The following DENND1A variants were observed in gnomAD, a reference collection of about 807,000 sequenced individuals.
DENND1A encodes the protein DENN domain-containing protein 1A.
In DENND1A, 51 loss-of-function variants were observed where a neutral mutation model predicts 113.7. The observed-to-expected ratio is 0.45, with a 90% confidence interval of 0.36 to 0.57. DENND1A has a LOEUF of 0.57. DENND1A is among the 20% of genes least tolerant of loss of function. The probability of loss-of-function intolerance (pLI) is 0.00; values close to 1 mark genes in which losing one functional copy is unlikely to be tolerated. For synonymous variants in DENND1A, 565 were observed against 570.8 expected, an observed-to-expected ratio of 0.99 and a Z score of 0.14; for missense variants, 1,258 against 1,395.9, an observed-to-expected ratio of 0.90 and a Z score of 1.57.
intron 13 of DENND1A, among the ~76,000 whole-genome samples, chr9:123,519,014 A>T (rs531752408): frequency 6.6e-6 from 1 of 152,100 alleles, no homozygotes; most frequent in Non-Finnish European, 1.5e-5. Context: ...CTTGCTTGCT[A>T]CATCCTGGGC....
At chr9:123,457,722 C>T in intron 14 of DENND1A, 71 bp downstream of exon 14, 1 of 1,442,458 alleles carries the variant, frequency 6.9e-7, no homozygotes, top group Non-Finnish European at 9.5e-7. Context: ...GGCCTCAGTA[C>T]TTAGAGTGGA....
chr9:123,520,138 A>G (rs763124815), intron 13 of DENND1A, among the ~76,000 whole-genome samples: 1 of 119,582 alleles, frequency 8.4e-6, no homozygotes, highest in Non-Finnish European at 1.6e-5. Flanking sequence ...ACAGAGCAAG[A>G]TCCTGTCTCA....
chr9:123,566,006 C>A (rs1407391555), intron 12 of DENND1A, among the ~76,000 whole-genome samples: 1 of 152,086 alleles, frequency 6.6e-6, no homozygotes, highest in African/African-American at 2.4e-5. Context: ...AACAAATGGC[C>A]TAGGTAGGCA....
chr9:123,615,192 C>T (rs935285008), intron 10 of DENND1A, among the ~76,000 whole-genome samples: 1 of 152,204 alleles, frequency 6.6e-6, no homozygotes, highest in African/African-American at 2.4e-5. Flanking sequence ...CCAGCATAGG[C>T]TAAGGCATTT....
intron 19 of DENND1A, chr9:123,414,577 G>A (rs1220935374): frequency 1.3e-6 from 2 of 1,550,366 alleles, no homozygotes; most frequent in Non-Finnish European, 8.7e-7. Context: ...TCCTTTTGGG[G>A]ATTCACAACG....
intron 5 of DENND1A, among the ~76,000 whole-genome samples, chr9:123,683,640 GAAT>G (rs1348140014): frequency 6.6e-6 from 1 of 151,986 alleles, no homozygotes; most frequent in Non-Finnish European, 1.5e-5. Context: ...TTTATTCCCA[GAAT>G]ATGAAGACCT....
chr9:123,860,297 A>G (rs1165963123), intron 2 of DENND1A, among the ~76,000 whole-genome samples: 1 of 152,246 alleles, frequency 6.6e-6, no homozygotes, highest in African/African-American at 2.4e-5. Flanking sequence ...GTTTTGTTAC[A>G]TAGTATAATG....
At chr9:123,819,987 C>T (rs1838204486) in intron 2 of DENND1A, among the ~76,000 whole-genome samples, 1 of 151,642 alleles carries the variant, frequency 6.6e-6, no homozygotes, top group Admixed American at 6.6e-5. Context: ...TTTGGAGATA[C>T]CTACATATAT....
intron 12 of DENND1A, among the ~76,000 whole-genome samples, chr9:123,570,897 G>A (rs1322971920): frequency 2.0e-5 from 3 of 152,106 alleles, no homozygotes; most frequent in Non-Finnish European, 4.4e-5. Flanking sequence ...AGAAGGCCAG[G>A]GCTTGAGATA....
intron 3 of DENND1A, among the ~76,000 whole-genome samples, chr9:123,773,588 C>T (rs150039511): frequency 6.6e-6 from 1 of 152,302 alleles, no homozygotes; most frequent in African/African-American, 2.4e-5. Context: ...GACTAATTCA[C>T]CCTGACCTTG....
chr9:123,441,686 T>C (rs964340932), intron 18 of DENND1A, among the ~76,000 whole-genome samples: 3 of 152,216 alleles, frequency 2.0e-5, no homozygotes, highest in African/African-American at 4.8e-5. Context: ...TAAACCTTCA[T>C]TGGAACAAGG....
chr9:123,897,753 A>G (rs1850997418), intron 1 of DENND1A, among the ~76,000 whole-genome samples: 1 of 152,108 alleles, frequency 6.6e-6, no homozygotes, highest in South Asian at 2.1e-4. Flanking sequence ...GGATCGCTTG[A>G]GGCCAGGAGT....
intron 2 of DENND1A, among the ~76,000 whole-genome samples, chr9:123,804,865 A>G (rs1310016556): frequency 3.3e-5 from 5 of 152,146 alleles, no homozygotes; most frequent in Non-Finnish European, 7.3e-5. Flanking sequence ...TTCTGGTTCC[A>G]ATTTCCTGTA....
chr9:123,798,093 A>G (rs1437413195), intron 2 of DENND1A, among the ~76,000 whole-genome samples: 1 of 152,132 alleles, frequency 6.6e-6, no homozygotes, highest in Non-Finnish European at 1.5e-5. Context: ...AATCATCCCA[A>G]TTTTTAACCA....
At chr9:123,458,688 G>T (rs766044105) in intron 13 of DENND1A, among the ~76,000 whole-genome samples, 5 of 152,192 alleles carry the variant, frequency 3.3e-5, no homozygotes, top group Non-Finnish European at 7.3e-5. Context: ...TAGGCCAGGC[G>T]CGGTGGCTCA....
intron 9 of DENND1A, among the ~76,000 whole-genome samples, chr9:123,650,931 A>AG (rs1423692303): frequency 6.7e-6 from 1 of 148,834 alleles, no homozygotes; most frequent in Non-Finnish European, 1.5e-5. Context: ...AAAAAAAAAA[A>AG]GATGGATTAA....
chr9:123,905,324 T>C (rs1454861818), intron 1 of DENND1A, among the ~76,000 whole-genome samples: 2 of 150,050 alleles, frequency 1.3e-5, no homozygotes, highest in Admixed American at 1.3e-4. Context: ...CCAGCTAACA[T>C]CATAATGACA....
At chr9:123,495,676 G>A (rs913402796) in intron 13 of DENND1A, among the ~76,000 whole-genome samples, 3 of 152,214 alleles carry the variant, frequency 2.0e-5, no homozygotes, top group African/African-American at 7.2e-5. Flanking sequence ...TTCTTTTAAA[G>A]ACAAGCAAGA....
At chr9:123,820,731 C>T (rs1838326152) in intron 2 of DENND1A, among the ~76,000 whole-genome samples, 1 of 152,142 alleles carries the variant, frequency 6.6e-6, no homozygotes, top group Admixed American at 6.5e-5. Flanking sequence ...ATGTGATCAT[C>T]TTTTGTAGGA....
Sources: allele counts gnomAD v4.1 joint callset (sites outside exome capture counted in the v4.1 genomes callset), GRCh38; gene constraint gnomAD v4.1.1; transcripts MANE v1.5; gene names NCBI Gene and HGNC (gene_info 2026-07-23, HGNC 2026-07-21).